The following MLXIPL variants were observed in gnomAD, a reference collection of about 807,000 sequenced individuals.
The protein encoded by MLXIPL is carbohydrate-responsive element-binding protein.
In MLXIPL, 49 loss-of-function variants were observed where a neutral mutation model predicts 81.5. That is an observed-to-expected ratio of 0.60 (90% confidence interval 0.48 to 0.76). The LOEUF (loss-of-function observed/expected upper bound fraction) is 0.76. MLXIPL is among the 30% of genes least tolerant of loss of function. The pLI, the probability that MLXIPL is intolerant of heterozygous loss-of-function variation, is 0.00. For synonymous variants in MLXIPL, 466 were observed against 485.5 expected (o/e 0.96, Z 0.53); for missense variants, 1,053 against 1,167.0 (o/e 0.90, Z 1.42).
chr7:73,639,704 C>T, the MLXIPL span, among the ~76,000 whole-genome samples: 1 of 152,094 alleles, frequency 6.6e-6, no homozygotes, highest in Admixed American at 6.6e-5. Context: ...AATGCCAGCT[C>T]TCATTATTAT....
At chr7:73,645,051 G>A in the MLXIPL span, among the ~76,000 whole-genome samples, 47 of 152,122 alleles carry the variant, frequency 3.1e-4, no homozygotes, top group East Asian at 8.5e-3. Context: ...TTAAGAGAGG[G>A]GTTCTTGCTC....
the MLXIPL span, among the ~76,000 whole-genome samples, chr7:73,644,671 C>T: frequency 6.6e-6 from 1 of 152,184 alleles, no homozygotes; most frequent in Non-Finnish European, 1.5e-5. Flanking sequence ...TTCTTCTTTC[C>T]TTCCTTCCTG....
chr7:73,597,763 C>T, intron 8 of MLXIPL, 50 bp from the exon 9 acceptor site: 1 of 1,288,000 alleles, frequency 7.8e-7, no homozygotes, highest in Non-Finnish European at 9.9e-7. Flanking sequence ...GAGAGCTGCC[C>T]CTGGCAGCCA....
chr7:73,599,741 T>C (rs1333071102), intron 7 of MLXIPL, 46 bp from the exon 8 acceptor site: 21 of 1,563,476 alleles, frequency 1.3e-5, no homozygotes, highest in African/African-American at 4.1e-5. Flanking sequence ...GCCAGGGCTA[T>C]GGCTGGGAAA....
the MLXIPL span, among the ~76,000 whole-genome samples, chr7:73,642,787 T>C: frequency 6.6e-6 from 1 of 152,236 alleles, no homozygotes; most frequent in Non-Finnish European, 1.5e-5. Context: ...TGAGCCACCT[T>C]GCCTGGCCAC....
At chr7:73,632,743 T>TTCC in the MLXIPL span, among the ~76,000 whole-genome samples, 13 of 133,846 alleles carry the variant, frequency 9.7e-5, no homozygotes, top group Non-Finnish European at 1.9e-4. Flanking sequence ...TCCTTCCTTC[T>TTCC]TTCCTTCCTT....
intron 2 of MLXIPL, among the ~76,000 whole-genome samples, chr7:73,615,035 C>A (rs1198606079): frequency 2.0e-5 from 3 of 152,130 alleles, no homozygotes; most frequent in African/African-American, 7.2e-5. Flanking sequence ...TGGTCTCGAT[C>A]TCCTGACCTT....
At chr7:73,597,013 G>C (rs1390644131) in intron 9 of MLXIPL, 81 bp from the exon 10 acceptor site, 13 of 1,525,644 alleles carry the variant, frequency 8.5e-6, no homozygotes, top group African/African-American at 1.4e-5. Context: ...CCCCTCCCAA[G>C]AGTCCACACC....
At chr7:73,629,912 C>T in the MLXIPL span, among the ~76,000 whole-genome samples, 1 of 152,112 alleles carries the variant, frequency 6.6e-6, no homozygotes, top group Non-Finnish European at 1.5e-5. Context: ...TTATGGAGCA[C>T]TTACCACCTA....
rs782445548 is a variant in MLXIPL at position 73,593,825 on chromosome 7, C to T, written c.*40G>A. On this transcript the variant is annotated 3_prime_UTR_variant, in exon 17 of 17. Coordinates refer to ENST00000313375, the MANE Select transcript of MLXIPL (RefSeq NM_032951.3). The stretch of plus-strand genomic sequence containing the variant: ...TGGAGCCCGTGCCCAGGGAAAGCAG[C>T]CCCCAGGGCAGCTGAGTGAGCAGCA... 2 of 1,537,982 alleles carry T rather than the reference C, an allele frequency of 1.3e-6. No individual in the cohort carries two copies. The highest frequency in any genetic ancestry group is 2.2e-5 in the East Asian group (1 of 44,466).
At chr7:73,609,042 C>T (rs996409409) in intron 2 of MLXIPL, among the ~76,000 whole-genome samples, 1 of 152,040 alleles carries the variant, frequency 6.6e-6, no homozygotes, top group Non-Finnish European at 1.5e-5. Flanking sequence ...CTCCTGAGGT[C>T]AAGGAATCCT....
In MLXIPL at chr7:73,596,516, C is replaced by T; in HGVS notation, c.1823-37G>A. 8.7e-6 allele frequency: 14 copies of T among 1,611,432 alleles called. No individual in the cohort carries two copies. Among genetic ancestry groups the T allele is most frequent in the Non-Finnish European group, 1.2e-5 (14 of 1,179,064 alleles). On this transcript the variant is annotated intron_variant, in intron 11 of 16. Coordinates refer to ENST00000313375, the MANE Select transcript of MLXIPL (RefSeq NM_032951.3). The surrounding 1 kb of genome is among the most constrained non-coding windows in gnomAD (Gnocchi z 4.7). ...ACAGACAGACCCACAGAAAGACCGA[C>T]CCAGGGGAAAGGGTCCCCATTGCCC...
the MLXIPL span, among the ~76,000 whole-genome samples, chr7:73,644,735 A>T: frequency 6.6e-6 from 1 of 152,154 alleles, no homozygotes; most frequent in Non-Finnish European, 1.5e-5. Flanking sequence ...GACAAAGAAG[A>T]TAGGGCGACA....
rs782136848 is a variant in MLXIPL, at chr7:73,607,661, T to C, written c.412A>G (p.Arg138Gly). 4 of 1,613,142 alleles carry C rather than the reference T, an allele frequency of 2.5e-6. No individual in the cohort carries two copies. The highest frequency in any genetic ancestry group is 3.4e-6 in the Non-Finnish European group (4 of 1,179,938). ...ACGAAGCCACACACGGGGCTCTTCCTCCGCTTCACATCTGAGAGAAGGGGG... is the reference window on the plus strand; with the variant it reads ...ACGAAGCCACACACGGGGCTCTTCCCCCGCTTCACATCTGAGAGAAGGGGG... ...RAWYIQYVKR[R>G]KSPVCGFVTP... The change falls in exon 3 of 17, where the codon AGG (arginine) becomes GGG (glycine). Residue 138 changes from arginine to glycine, a missense_variant. Arg to Gly is a moderately radical substitution (Grantham distance 125). Around this residue, in one of 3 missense-constraint regions of MLXIPL, gnomAD observed 226 missense variants for 216.2 expected, o/e 1.05. Transcript: ENST00000313375.
the MLXIPL span, among the ~76,000 whole-genome samples, chr7:73,638,316 T>C: frequency 6.6e-6 from 1 of 152,216 alleles, no homozygotes; most frequent in African/African-American, 2.4e-5. Context: ...ATTTATTTTA[T>C]TTTTTGGGGA....
chr7:73,641,619 T>A, the MLXIPL span, among the ~76,000 whole-genome samples: 2 of 152,174 alleles, frequency 1.3e-5, no homozygotes, highest in Non-Finnish European at 2.9e-5. Flanking sequence ...TGTCCTGCGA[T>A]TCAATTCTGA....
At chr7:73,641,902 G>T in the MLXIPL span, among the ~76,000 whole-genome samples, 1 of 151,880 alleles carries the variant, frequency 6.6e-6, no homozygotes. Flanking sequence ...CCAAAGTGCT[G>T]GGATTACAGA....
chr7:73,597,072 T>C, intron 9 of MLXIPL, 110 bp downstream of exon 9: 2 of 1,452,198 alleles, frequency 1.4e-6, no homozygotes, highest in Non-Finnish European at 1.9e-6. Context: ...ACTCTGTCCC[T>C]TGAACTGGAC....
chr7:73,641,067 C>T, the MLXIPL span, among the ~76,000 whole-genome samples: 6 of 151,400 alleles, frequency 4.0e-5, no homozygotes, highest in South Asian at 2.1e-4. Context: ...TTTGGGAGGC[C>T]GAGGCAGGAG....
Sources: gnomAD v4.1 joint callset for allele counts (sites outside exome capture counted in the v4.1 genomes callset) on GRCh38, gnomAD v4.1.1 for gene constraint, gnomAD v4.1.1 regional missense constraint, Gnocchi (gnomAD v3.1) non-coding constraint, MANE v1.5 for transcripts, NCBI Gene and HGNC (gene_info 2026-07-23, HGNC 2026-07-21) for gene names.